The following DENND11 variants were observed in gnomAD, a reference collection of about 807,000 sequenced individuals.
DENND11 encodes the protein DENN domain containing 11.
A neutral mutation model predicts 49.2 loss-of-function variants in DENND11; 34 were observed. The observed-to-expected ratio is 0.69, with a 90% CI of 0.53 to 0.92. The LOEUF (loss-of-function observed/expected upper bound fraction) is 0.92, where lower values mean the gene tolerates loss of function less well. DENND11 is among the 40% of genes least tolerant of loss of function. The probability of loss-of-function intolerance (pLI) is 0.00; values close to 1 mark genes in which losing one functional copy is unlikely to be tolerated. For missense variants in DENND11, 475 were observed against 581.6 expected (o/e 0.82, Z 1.88); for synonymous variants, 238 against 230.3 (o/e 1.03, Z -0.30).
In DENND11 at chr7:141,658,722, C is replaced by G. The variant is rs1797739012; in HGVS notation, c.*3934G>C. 1 of 152,126 alleles carries G rather than the reference C, an allele frequency of 6.6e-6. No individual in the cohort carries two copies. The highest frequency in any genetic ancestry group is 2.1e-4 in the South Asian group (1 of 4,800). 9.4% of individuals were successfully genotyped at this position (152,126 alleles called of 1,614,324 possible). The stretch of plus-strand genomic sequence containing the variant: ...CAGGGTCTGGAGAAAGCATCTCAAT[C>G]CATTCCCTGGGCTATACAGTTTCGA... On this transcript the variant is annotated 3_prime_UTR_variant, in exon 9 of 9. Transcript: ENST00000536163.
chr7:141,697,585 T>C lies in DENND11; in HGVS notation c.268+4301A>G, dbSNP rs138929161. ...GACTGCTCTTTGCATCTTAAAATTG[T>C]CCTCCAAATTTTCCATTCACATTCT... On this transcript the variant is annotated intron_variant, in intron 1 of 8. Transcript: ENST00000536163. 1.2e-3 allele frequency among the ~76,000 whole-genome samples: 177 copies of C among 152,318 alleles called. 1 individual carries two copies. Among genetic ancestry groups the C allele is most frequent in the African/African-American group, 4.1e-3 (170 of 41,572 alleles).
intron 1 of DENND11, among the ~76,000 whole-genome samples, chr7:141,694,486 C>T (rs528985020): frequency 6.6e-4 from 101 of 152,212 alleles, no homozygotes; most frequent in Middle Eastern, 6.8e-3. Flanking sequence ...GTCTTGAACT[C>T]CTGGCCTCAA....
At chr7:141,696,811 G>A (rs1798422246) in intron 1 of DENND11, among the ~76,000 whole-genome samples, 1 of 152,194 alleles carries the variant, frequency 6.6e-6, no homozygotes, top group African/African-American at 2.4e-5. Flanking sequence ...ATTTGGTTCA[G>A]ACCCTAACAT....
intron 3 of DENND11, among the ~76,000 whole-genome samples, chr7:141,683,518 C>T (rs959066742): frequency 6.6e-6 from 1 of 152,178 alleles, no homozygotes; most frequent in African/African-American, 2.4e-5. Context: ...TGGCGGGCCC[C>T]TGTAATCCCA....
intron 1 of DENND11, among the ~76,000 whole-genome samples, chr7:141,688,071 G>A (rs936829567): frequency 1.3e-5 from 2 of 152,134 alleles, no homozygotes; most frequent in Admixed American, 6.5e-5. Flanking sequence ...GTGAGCCACC[G>A]CTCTAGGCCA....
intron 4 of DENND11, among the ~76,000 whole-genome samples, chr7:141,673,526 A>G (rs2117060130): frequency 6.6e-6 from 1 of 152,340 alleles, no homozygotes; most frequent in South Asian, 2.1e-4. Flanking sequence ...GTTTCCATGG[A>G]AATATCCTGT....
rs1255378477 is a variant in DENND11 at position 141,656,786 on chromosome 7, C to T, written c.*5870G>A. On this transcript the variant is annotated 3_prime_UTR_variant, in exon 9 of 9. Coordinates refer to ENST00000536163, the MANE Select transcript of DENND11 (RefSeq NM_001080392.2). ...TCATTTTCTGTAAATATAGTTATAT[C>T]AACCTCTCTGCACACAACTTGGTTC... 6.5e-6 allele frequency: 1 copy of T among 152,678 alleles called. No individual in the cohort carries two copies. Among genetic ancestry groups the T allele is most frequent in the Non-Finnish European group, 1.5e-5 (1 of 68,056 alleles). The allele number at this position is 152,678 out of a possible 1,614,324, so 9.5% of individuals were successfully genotyped here. A position where few individuals can be genotyped will look rare whatever the true frequency, so the allele number is the denominator to read the frequency against.
intron 1 of DENND11, among the ~76,000 whole-genome samples, chr7:141,689,353 C>G (rs1798290836): frequency 6.6e-6 from 1 of 152,104 alleles, no homozygotes; most frequent in Non-Finnish European, 1.5e-5. Flanking sequence ...AACATGGGAA[C>G]AGAAACCCAA....
At position 141,702,095 on chromosome 7, in the gene DENND11, G is replaced by C; in HGVS notation, c.59C>G (p.Ser20Cys). 1 of 984,914 alleles carries C rather than the reference G, an allele frequency of 1.0e-6. No homozygotes were observed. Among genetic ancestry groups the C allele is most frequent in the Admixed American group, 6.3e-5 (1 of 15,932 alleles). The allele number at this position is 984,914 out of a possible 1,614,324, so 61.0% of individuals were successfully genotyped here. A position where few individuals can be genotyped will look rare whatever the true frequency, so the allele number is the denominator to read the frequency against. ...CTGCGGCTGCGGGGCCTGCGGCAGGGAGACGGCGGGGCCCTCGGCCCAGCG... is the reference window on the plus strand; with the variant it reads ...CTGCGGCTGCGGGGCCTGCGGCAGGCAGACGGCGGGGCCCTCGGCCCAGCG... ...LLRWAEGPAV[S>C]LPQAPQPQAG... The change falls in exon 1 of 9, where the codon TCC becomes TGC. Residue 20 changes from serine to cysteine, a missense_variant. Ser to Cys is a moderately radical substitution (Grantham distance 112). Transcript: ENST00000536163.
rs1247012687 is a variant in DENND11, at chr7:141,685,027, AAAATATATATATAT to A, written c.527+437_527+450del. On this transcript the variant is annotated intron_variant, in intron 3 of 8. Coordinates refer to ENST00000536163, the MANE Select transcript of DENND11 (RefSeq NM_001080392.2). ...CTGTCTCTACCAAAAAAAAAAAAAA[AAAATATATATATAT>A]ATATATATATATATATATTTTTAAG... Among the ~76,000 whole-genome samples, 77 of 98,040 alleles carry A rather than the reference AAAATATATATATAT, an allele frequency of 7.9e-4. 1 individual carries two copies. Among genetic ancestry groups the A allele is most frequent in the Admixed American group, 2.6e-3 (22 of 8,566 alleles). The allele number at this position is 98,040 out of a possible 152,430, so 64.3% of individuals were successfully genotyped here.
intron 3 of DENND11, among the ~76,000 whole-genome samples, chr7:141,682,414 C>T (rs1798161650): frequency 6.6e-6 from 1 of 152,218 alleles, no homozygotes; most frequent in South Asian, 2.1e-4. Flanking sequence ...CACAGGGTCA[C>T]CCACCTAGTA....
chr7:141,676,557 G>A (rs193289475), intron 3 of DENND11, among the ~76,000 whole-genome samples: 1 of 152,260 alleles, frequency 6.6e-6, no homozygotes, highest in Non-Finnish European at 1.5e-5. Context: ...GACAGAACAA[G>A]GCAATAATAT....
chr7:141,690,310 C>T (rs1798306995), intron 1 of DENND11, among the ~76,000 whole-genome samples: 1 of 152,210 alleles, frequency 6.6e-6, no homozygotes, highest in South Asian at 2.1e-4. Context: ...AGGACACCCA[C>T]ATCACCAAAG....
chr7:141,670,630 A>C (rs2117057458), intron 4 of DENND11, among the ~76,000 whole-genome samples: 1 of 152,310 alleles, frequency 6.6e-6, no homozygotes. Flanking sequence ...TTAAGTCAAG[A>C]AGCTCCTTAA....
intron 1 of DENND11, among the ~76,000 whole-genome samples, chr7:141,699,946 C>T (rs73518088): frequency 2.6e-5 from 4 of 151,542 alleles, no homozygotes; most frequent in Non-Finnish European, 4.4e-5. Flanking sequence ...ACACACACTC[C>T]GTATACACAA....
chr7:141,664,082 G>A, intron 8 of DENND11, 90 bp downstream of exon 8: 1 of 1,107,438 alleles, frequency 9.0e-7, no homozygotes, highest in Non-Finnish European at 1.3e-6. Context: ...GGCATCCCTG[G>A]CCCGCAGTGA....
chr7:141,665,341 C>T (rs374543332), intron 5 of DENND11, 23 bp from the exon 6 acceptor site: 424 of 1,613,164 alleles, frequency 2.6e-4, no homozygotes, highest in Non-Finnish European at 3.4e-4. Context: ...AGGAGGTGAG[C>T]GGGGAGGGTC....
rs112963580 is a variant in DENND11, at chr7:141,661,932, G to A, written c.*724C>T. ...TTAGCAATTCACCAATTCATCCCAA[G>A]AAGAGGAAGGTTCAGACAAAGAGGA... On this transcript the variant is annotated 3_prime_UTR_variant, in exon 9 of 9. Coordinates refer to ENST00000536163, the MANE Select transcript of DENND11 (RefSeq NM_001080392.2). 1.6e-3 allele frequency: 239 copies of A among 152,298 alleles called. No homozygotes were observed. The highest frequency in any genetic ancestry group is 5.3e-3 in the African/African-American group (220 of 41,554). The allele number at this position is 152,298 out of a possible 1,614,324, so 9.4% of individuals were successfully genotyped here.
At chr7:141,662,926 G>C in intron 8 of DENND11, 75 bp from the exon 9 acceptor site, 1 of 1,087,356 alleles carries the variant, frequency 9.2e-7, no homozygotes, top group East Asian at 2.7e-5. Context: ...CACATATGGG[G>C]AACCAAAACT....
Sources: gnomAD v4.1 joint callset for allele counts (sites outside exome capture counted in the v4.1 genomes callset) on GRCh38, gnomAD v4.1.1 for gene constraint, MANE v1.5 for transcripts, NCBI Gene and HGNC (gene_info 2026-07-23, HGNC 2026-07-21) for gene names.